Variants in PLXNA4 observed in about 807,000 individuals in gnomAD.
PLXNA4 encodes the protein plexin-A4.
Under a neutral mutation model 191.8 loss-of-function variants are expected in PLXNA4, and 44 were observed. The observed-to-expected ratio is 0.23, with a 90% CI of 0.18 to 0.29. The LOEUF (loss-of-function observed/expected upper bound fraction) is 0.29. Among genes scored for constraint, PLXNA4 ranks in the 10% least tolerant of loss-of-function variants. The probability of loss-of-function intolerance (pLI) is 1.00; values close to 1 mark genes in which losing one functional copy is unlikely to be tolerated. For synonymous variants in PLXNA4, 1,082 were observed against 1,009.5 expected, an observed-to-expected ratio of 1.07 and a Z score of -1.36; for missense variants, 1,800 against 2,488.8, an observed-to-expected ratio of 0.72 and a Z score of 5.89.
At chr7:132,627,302 G>A (rs375724841) in intron 2 of PLXNA4, among the ~76,000 whole-genome samples, 1 of 152,194 alleles carries the variant, frequency 6.6e-6, no homozygotes, top group African/African-American at 2.4e-5. Flanking sequence ...AAAGATGAAG[G>A]TTTAGATCTT....
chr7:132,451,164 G>A (rs186601457), intron 3 of PLXNA4, among the ~76,000 whole-genome samples: 3 of 152,306 alleles, frequency 2.0e-5, no homozygotes, highest in Admixed American at 6.5e-5. Context: ...TCTAGACCAC[G>A]AGGGACTCAG....
intron 1 of PLXNA4, among the ~76,000 whole-genome samples, chr7:132,536,582 T>C (rs536220392): frequency 6.6e-6 from 1 of 152,276 alleles, no homozygotes; most frequent in East Asian, 1.9e-4. Flanking sequence ...CTGCCAGATA[T>C]AGGCTGATCT....
chr7:132,627,869 G>A (rs1359696782), intron 2 of PLXNA4, among the ~76,000 whole-genome samples: 1 of 152,324 alleles, frequency 6.6e-6, no homozygotes, highest in African/African-American at 2.4e-5. Context: ...AAATAACCCA[G>A]TCTAAAGTAT....
intron 30 of PLXNA4, among the ~76,000 whole-genome samples, chr7:132,136,718 T>C (rs1159327824): frequency 6.6e-6 from 1 of 152,214 alleles, no homozygotes; most frequent in African/African-American, 2.4e-5. Context: ...GTTAGCTCTG[T>C]AGTGATTGGG....
chr7:132,297,221 C>T (rs148087088), intron 4 of PLXNA4, among the ~76,000 whole-genome samples: 34 of 152,230 alleles, frequency 2.2e-4, no homozygotes, highest in African/African-American at 7.9e-4. Context: ...AGAGCTAACG[C>T]ATACATATTC....
intron 31 of PLXNA4, among the ~76,000 whole-genome samples, chr7:132,132,420 C>CTGTTCTGTTCTGTTCTGTTCTGT (rs1794964700): frequency 1.6e-5 from 1 of 61,128 alleles, no homozygotes; most frequent in African/African-American, 5.6e-5. Flanking sequence ...CTGTTCTGTT[C>CTGTTCTGTTCTGTTCTGTTCTGT]TGTTCTGTTC....
intron 3 of PLXNA4, among the ~76,000 whole-genome samples, chr7:132,395,803 T>C (rs948261673): frequency 4.6e-5 from 7 of 152,370 alleles, no homozygotes; most frequent in Admixed American, 1.3e-4. Flanking sequence ...AGGATCCCCA[T>C]GGCCGGGAAA....
rs117215256 is a variant in PLXNA4 at position 132,204,867 on chromosome 7, C to T, written c.2299-1448G>A. On this transcript the variant is annotated intron_variant, in intron 10 of 31. Coordinates refer to ENST00000321063, the MANE Select transcript of PLXNA4 (RefSeq NM_020911.2). Reference sequence around the variant, plus strand: ...CCCATGAGAACAGACTGTGACTTGACATTGCCCTCATACAGCAACCACGGG... The same window carrying T: ...CCCATGAGAACAGACTGTGACTTGATATTGCCCTCATACAGCAACCACGGG... 1.0e-3 allele frequency among the ~76,000 whole-genome samples: 159 copies of T among 152,324 alleles called. No homozygotes were observed. In the East Asian group the frequency reaches 0.024, roughly 23 times the overall value.
At chr7:132,380,740 AC>A (rs1804861392) in intron 3 of PLXNA4, among the ~76,000 whole-genome samples, 1 of 152,154 alleles carries the variant, frequency 6.6e-6, no homozygotes, top group African/African-American at 2.4e-5. Flanking sequence ...TAGTTTCCAA[AC>A]CCTATCACCC....
intron 3 of PLXNA4, among the ~76,000 whole-genome samples, chr7:132,452,858 A>G (rs1251044590): frequency 6.6e-6 from 1 of 152,182 alleles, no homozygotes; most frequent in Non-Finnish European, 1.5e-5. Flanking sequence ...TTGGGTCACC[A>G]CACACCAATT....
At chr7:132,647,864 T>C (rs931860934) in intron 1 of PLXNA4, among the ~76,000 whole-genome samples, 3 of 151,126 alleles carry the variant, frequency 2.0e-5, no homozygotes, top group Admixed American at 1.3e-4. Context: ...TATACACACA[T>C]ACACTCACAC....
intron 24 of PLXNA4, 122 bp downstream of exon 24, chr7:132,164,020 A>G (rs1796024138): frequency 6.8e-7 from 1 of 1,465,918 alleles, no homozygotes; most frequent in Non-Finnish European, 9.2e-7. Flanking sequence ...CTGGGCCCAC[A>G]CAGCAGACAC....
intron 4 of PLXNA4, among the ~76,000 whole-genome samples, chr7:132,242,411 T>C (rs1125854): frequency 0.72 from 108,861 of 152,076 alleles, 40,069 homozygotes; most frequent in African/African-American, 0.9. Flanking sequence ...AAATGATGTC[T>C]GCTTGGCAGG....
At chr7:132,280,491 G>C (rs570009006) in intron 4 of PLXNA4, among the ~76,000 whole-genome samples, 1 of 152,298 alleles carries the variant, frequency 6.6e-6, no homozygotes, top group Non-Finnish European at 1.5e-5. Flanking sequence ...AATCTTCCCT[G>C]CCAGCATTAA....
rs528490523 is a variant in PLXNA4, at chr7:132,203,518, G to A, written c.2299-99C>T. On this transcript the variant is annotated intron_variant, in intron 10 of 31. Coordinates refer to ENST00000321063, the MANE Select transcript of PLXNA4 (RefSeq NM_020911.2). ...GCCTACGGCCGTTAAGAGCTCACAGGCTAAAGACTGGCCAAGACTGTGCTT... is the reference window on the plus strand; with the variant it reads ...GCCTACGGCCGTTAAGAGCTCACAGACTAAAGACTGGCCAAGACTGTGCTT... 8.8e-5 allele frequency: 91 copies of A among 1,035,232 alleles called. No homozygotes were observed. In the Middle Eastern group the frequency reaches 1.0e-3, roughly 12 times the overall value. The allele number at this position is 1,035,232 out of a possible 1,614,324, so 64.1% of individuals were successfully genotyped here.
intron 13 of PLXNA4, among the ~76,000 whole-genome samples, chr7:132,195,769 G>T (rs1798136117): frequency 6.6e-6 from 1 of 152,168 alleles, no homozygotes; most frequent in East Asian, 1.9e-4. Context: ...CTGATAGATT[G>T]TCTGAATTAG....
In PLXNA4 at chr7:132,441,528, C is replaced by T. The variant is rs139501449; in HGVS notation, c.1371+47764G>A. On this transcript the variant is annotated intron_variant, in intron 3 of 31. Transcript: ENST00000321063. The stretch of plus-strand genomic sequence containing the variant: ...CCCTAGCTAGGAGCACGTTGCGCTC[C>T]GAAGCACAGGACATTGCCCACAGAT... Among the ~76,000 whole-genome samples, 169 of 152,258 alleles carry T rather than the reference C, an allele frequency of 1.1e-3. 1 individual carries two copies. The highest frequency in any genetic ancestry group is 3.9e-3 in the African/African-American group (161 of 41,550).
intron 3 of PLXNA4, among the ~76,000 whole-genome samples, chr7:132,472,035 A>C (rs1308996473): frequency 6.6e-6 from 1 of 152,212 alleles, no homozygotes; most frequent in African/African-American, 2.4e-5. Context: ...TATTTCTCGG[A>C]ACTTGTACTC....
intron 3 of PLXNA4, chr7:132,484,711 A>C: frequency 1.3e-6 from 2 of 1,521,808 alleles, no homozygotes; most frequent in Non-Finnish European, 1.8e-6. Flanking sequence ...GTGTTCCAAC[A>C]TTGTATCTCC....
Sources: allele counts gnomAD v4.1 joint callset (sites outside exome capture counted in the v4.1 genomes callset), GRCh38; gene constraint gnomAD v4.1.1; transcripts MANE v1.5; gene names NCBI Gene and HGNC (gene_info 2026-07-23, HGNC 2026-07-21).